The following CACNA1A variants were observed in gnomAD, a reference collection of about 807,000 sequenced individuals.
CACNA1A encodes calcium voltage-gated channel subunit alpha1 A, also known as voltage-dependent P/Q-type calcium channel subunit alpha-1A.
In CACNA1A, 57 loss-of-function variants were observed where a neutral mutation model predicts 262.4. The ratio of observed to expected loss-of-function variants is 0.22; its 90% CI spans 0.18 to 0.27. The LOEUF is 0.27. CACNA1A is among the 10% of genes least tolerant of loss of function. The pLI is 1.00. For missense variants in CACNA1A, 2,526 were observed against 3,562.8 expected (o/e 0.71, Z 7.41); for synonymous variants, 1,431 against 1,419.3 (o/e 1.01, Z -0.18).
chr19:13,363,583 G>C (rs10419009), intron 5 of CACNA1A: 75,735 of 150,874 alleles, frequency 0.5, 21,359 homozygotes, highest in African/African-American at 0.78. Flanking sequence ...TTCCCTCCCC[G>C]TGGGGAGGAG....
intron 3 of CACNA1A, among the ~76,000 whole-genome samples, chr19:13,376,762 T>C (rs2059416721): frequency 6.8e-6 from 1 of 146,250 alleles, no homozygotes; most frequent in Non-Finnish European, 1.5e-5. Context: ...ATGTTATATG[T>C]GACATATATA....
intron 31 of CACNA1A, among the ~76,000 whole-genome samples, chr19:13,242,492 C>T (rs2056106504): frequency 6.6e-6 from 1 of 152,030 alleles, no homozygotes; most frequent in Admixed American, 6.6e-5. Flanking sequence ...GACAGAGTTT[C>T]ACCATGTTGG....
chr19:13,373,797 C>A (rs2144568543), intron 3 of CACNA1A, among the ~76,000 whole-genome samples: 1 of 152,314 alleles, frequency 6.6e-6, no homozygotes, highest in South Asian at 2.1e-4. Flanking sequence ...CCTTTTCCAC[C>A]ATCCACAAGT....
chr19:13,355,167 T>G (rs1012573409), intron 6 of CACNA1A, among the ~76,000 whole-genome samples: 4 of 152,134 alleles, frequency 2.6e-5, no homozygotes, highest in Non-Finnish European at 5.9e-5. Context: ...TGAGCCACTG[T>G]GCCCGGGCTG....
intron 6 of CACNA1A, among the ~76,000 whole-genome samples, chr19:13,357,649 G>A (rs575443905): frequency 4.5e-4 from 68 of 152,324 alleles, no homozygotes; most frequent in Middle Eastern, 3.4e-3. Flanking sequence ...GAGGGAAGGT[G>A]AACTGTGGTG....
chr19:13,342,782 G>A (rs1481976038), intron 6 of CACNA1A, among the ~76,000 whole-genome samples: 1 of 152,208 alleles, frequency 6.6e-6, no homozygotes, highest in Non-Finnish European at 1.5e-5. Flanking sequence ...ACTGAACAGA[G>A]CCCCCTTCTT....
At chr19:13,385,503 C>T (rs2059595709) in intron 3 of CACNA1A, among the ~76,000 whole-genome samples, 1 of 151,974 alleles carries the variant, frequency 6.6e-6, no homozygotes, top group Non-Finnish European at 1.5e-5. Flanking sequence ...GCTGGGATTA[C>T]AGGCGTGAGC....
At chr19:13,350,105 G>C (rs1372608941) in intron 6 of CACNA1A, among the ~76,000 whole-genome samples, 4 of 152,126 alleles carry the variant, frequency 2.6e-5, no homozygotes, top group Non-Finnish European at 5.9e-5. Context: ...GTAGTCCTTG[G>C]GTATGGACAG....
In CACNA1A at chr19:13,453,138, C is replaced by A. The variant is rs3764615; in HGVS notation, c.400-123G>T. 0.1 allele frequency: 92,438 copies of A among 909,456 alleles called. 6,238 individuals are homozygous for A. Among genetic ancestry groups the A allele is most frequent in the East Asian group, 0.25 (10,097 of 39,988 alleles). 56.3% of individuals were successfully genotyped at this position (909,456 alleles called of 1,614,324 possible). Reference sequence around the variant, plus strand: ...TCACTTCCCCTGACCCTCCTGCACTCACCACCCCTCACTGCCTCTTGCAGA... The same window carrying A: ...TCACTTCCCCTGACCCTCCTGCACTAACCACCCCTCACTGCCTCTTGCAGA... On this transcript the variant is annotated intron_variant, in intron 2 of 46. Transcript: ENST00000360228.
intron 23 of CACNA1A, 87 bp downstream of exon 23, chr19:13,276,982 G>T: frequency 1.2e-6 from 1 of 863,990 alleles, no homozygotes; most frequent in Non-Finnish European, 1.9e-6. Flanking sequence ...AAAGTGCTGG[G>T]ATTACAGGCA....
At chr19:13,496,083 TCCATCCAC>T (rs1342787264) in intron 1 of CACNA1A, among the ~76,000 whole-genome samples, 341 of 116,512 alleles carry the variant, frequency 2.9e-3, no homozygotes, top group African/African-American at 0.018. Flanking sequence ...CATCCATCCA[TCCATCCAC>T]CCAGACATCC....
chr19:13,227,480 G>A lies in CACNA1A; in HGVS notation c.5576C>T (p.Ser1859Phe). 2 of 1,609,992 alleles carry A rather than the reference G, an allele frequency of 1.2e-6. No homozygotes were observed. Among genetic ancestry groups the A allele is most frequent in the Non-Finnish European group, 1.7e-6 (2 of 1,177,346 alleles). ...CTTCTTCCCCAGACCCAGGGGCGGA[G>A]ACATGTGTCTCAGCATCTGATACAT... ...LDMYQMLRHM[S>F]PPLGLGKKCP... is the part of the protein sequence containing the mutation. The change falls in exon 37 of 47, where the codon TCT (serine) becomes TTT (phenylalanine). Residue 1859 changes from serine (S) to phenylalanine (F), a missense_variant. Transcript: ENST00000360228.
At chr19:13,396,722 CA>C (rs1459173315) in intron 3 of CACNA1A, among the ~76,000 whole-genome samples, 2 of 152,226 alleles carry the variant, frequency 1.3e-5, no homozygotes, top group African/African-American at 4.8e-5. Flanking sequence ...CATGATGGTG[CA>C]AACTAGTCAT....
At chr19:13,472,570 T>G (rs1253479932) in intron 1 of CACNA1A, among the ~76,000 whole-genome samples, 1 of 152,106 alleles carries the variant, frequency 6.6e-6, no homozygotes, top group Non-Finnish European at 1.5e-5. Flanking sequence ...ATGATGAACT[T>G]GTTCCTTCCC....
intron 10 of CACNA1A, among the ~76,000 whole-genome samples, chr19:13,327,198 TACATAAATAAATA>T (rs2058378688): frequency 1.3e-5 from 2 of 152,110 alleles, no homozygotes; most frequent in African/African-American, 4.8e-5. Flanking sequence ...TTGCATTCTT[TACATAAATAAATA>T]AAGCTAAATG....
intron 7 of CACNA1A, 141 bp downstream of exon 7, chr19:13,335,665 A>G (rs1424568106): frequency 1.5e-5 from 10 of 663,446 alleles, no homozygotes; most frequent in Non-Finnish European, 2.7e-5. Context: ...ATGGCTTGCT[A>G]ATAACAGTCT....
intron 10 of CACNA1A, among the ~76,000 whole-genome samples, chr19:13,317,693 T>G (rs1044096570): frequency 6.6e-5 from 10 of 152,222 alleles, no homozygotes; most frequent in South Asian, 2.1e-4. Flanking sequence ...CAGAGCTGCA[T>G]GGAGCACGCT....
chr19:13,293,190 C>T (rs571561198), intron 19 of CACNA1A, among the ~76,000 whole-genome samples: 2 of 152,158 alleles, frequency 1.3e-5, no homozygotes, highest in Admixed American at 6.5e-5. Flanking sequence ...CTAAAAATAG[C>T]ATTCATTGAG....
rs745753973 is a variant in CACNA1A at position 13,334,387 on chromosome 19, A to C, written c.1189T>G (p.Ser397Ala). 7.0e-6 allele frequency: 11 copies of C among 1,566,014 alleles called. No homozygotes were observed. Among genetic ancestry groups the C allele is most frequent in the Non-Finnish European group, 8.8e-6 (10 of 1,136,178 alleles). Residue 397 changes from serine (S) to alanine (A), a missense_variant, in exon 8 of 47, where the codon TCA becomes GCA. By Grantham distance (99) the Ser-to-Ala change is moderately conservative (BLOSUM62 1). Coordinates refer to ENST00000360228, the MANE Select transcript of CACNA1A (RefSeq NM_001127222.2). ...GATGAAAGGGCCTCACCTGCTTTTG[A>C]GATCCACTCCATGTACCCATTGAGC... is the stretch of plus-strand genomic sequence containing the variant. Reference protein sequence around the residue: ...RELNGYMEWISKAEEVILAED... With the variant: ...RELNGYMEWIAKAEEVILAED...
Sources: allele counts gnomAD v4.1 joint callset (sites outside exome capture counted in the v4.1 genomes callset), GRCh38; gene constraint gnomAD v4.1.1; transcripts MANE v1.5; gene names NCBI Gene and HGNC (gene_info 2026-07-23, HGNC 2026-07-21).